PCSK2: variants seen among roughly 807,000 people sequenced by gnomAD.
PCSK2 encodes the protein proprotein convertase subtilisin/kexin type 2, also known as neuroendocrine convertase 2.
In PCSK2, 14 loss-of-function variants were observed where a neutral mutation model predicts 69.7. The observed-to-expected ratio is 0.20, with a 90% CI of 0.13 to 0.31. The LOEUF (loss-of-function observed/expected upper bound fraction) is 0.31, where lower values mean the gene tolerates loss of function less well. PCSK2 is among the 10% of genes least tolerant of loss of function. The pLI is 1.00. For missense variants in PCSK2, 544 were observed against 842.5 expected (o/e 0.65, Z 4.39); for synonymous variants, 307 against 320.7 (o/e 0.96, Z 0.46).
intron 2 of PCSK2, 124 bp downstream of exon 2, chr20:17,260,468 A>T (rs765783439): frequency 2.7e-5 from 18 of 673,126 alleles, no homozygotes; most frequent in Non-Finnish European, 8.0e-6. Flanking sequence ...GATAGGGCAA[A>T]TGAATGCTTT....
At chr20:17,433,677 G>A (rs1398320243) in intron 7 of PCSK2, among the ~76,000 whole-genome samples, 2 of 152,194 alleles carry the variant, frequency 1.3e-5, no homozygotes, top group African/African-American at 2.4e-5. Flanking sequence ...AGGCCTGCCT[G>A]GGGTCAGATA....
intron 2 of PCSK2, among the ~76,000 whole-genome samples, chr20:17,322,053 A>G (rs963477969): frequency 6.6e-6 from 1 of 152,104 alleles, no homozygotes; most frequent in Non-Finnish European, 1.5e-5. Flanking sequence ...CTAAATGCCA[A>G]GTACTATAAC....
At position 17,360,591 on chromosome 20, in the gene PCSK2, G is replaced by A; in HGVS notation, c.456G>A (p.Trp152Ter). ...PGLDLNVAEAWELGYTGKGVT... is the reference protein window; with the variant it reads ...PGLDLNVAEA Reference sequence around the variant, plus strand: ...TTGATTTGAATGTGGCTGAAGCCTGGGAGCTGGGATACACAGGGAAAGGTG... The same window carrying A: ...TTGATTTGAATGTGGCTGAAGCCTGAGAGCTGGGATACACAGGGAAAGGTG... Residue 152 changes from tryptophan (W) to a stop codon, truncating the protein, a stop_gained, in exon 4 of 12, where the codon TGG becomes TGA. Transcript: ENST00000262545. LOFTEE classifies it high-confidence loss of function. 1 of 1,612,984 alleles carries A rather than the reference G, an allele frequency of 6.2e-7. No individual in the cohort carries two copies.
At chr20:17,384,425 CAAAAAA>C (rs11478291) in intron 5 of PCSK2, among the ~76,000 whole-genome samples, 20 of 106,534 alleles carry the variant, frequency 1.9e-4, no homozygotes, top group Non-Finnish European at 2.5e-4. Flanking sequence ...CCATATCTAC[CAAAAAA>C]AAAAAAAAAA....
intron 6 of PCSK2, among the ~76,000 whole-genome samples, chr20:17,425,389 G>A (rs552286826): frequency 6.6e-6 from 1 of 152,042 alleles, no homozygotes; most frequent in Admixed American, 6.5e-5. Flanking sequence ...AGGGGAATTC[G>A]ACCACTAGAC....
Position 17,317,154 on chromosome 20 carries a change from A to C in PCSK2, c.283-41173A>C, listed in dbSNP as rs570253861. On this transcript the variant is annotated intron_variant, in intron 2 of 11. Coordinates refer to ENST00000262545, the MANE Select transcript of PCSK2 (RefSeq NM_002594.5). ...AGCTCTTAGTTAGGTAAATCAACTTAGCCTCTCTATATGCATTAATTCTCT... is the reference window on the plus strand; with the variant it reads ...AGCTCTTAGTTAGGTAAATCAACTTCGCCTCTCTATATGCATTAATTCTCT... 2.0e-5 allele frequency among the ~76,000 whole-genome samples: 3 copies of C among 152,250 alleles called. No homozygotes were observed. The East Asian group carries it at 5.8e-4, about 29-fold the overall frequency.
intron 2 of PCSK2, among the ~76,000 whole-genome samples, chr20:17,325,878 C>G (rs1235278746): frequency 6.6e-6 from 1 of 152,034 alleles, no homozygotes; most frequent in Non-Finnish European, 1.5e-5. Flanking sequence ...CTCAAGCCAC[C>G]AGTGGGCTAA....
chr20:17,364,253 C>T (rs2030509716), intron 4 of PCSK2, among the ~76,000 whole-genome samples: 1 of 152,120 alleles, frequency 6.6e-6, no homozygotes. Context: ...CACATAGTCA[C>T]CCACACCCTT....
chr20:17,465,225 G>T, intron 10 of PCSK2, 101 bp from the exon 11 acceptor site: 6 of 832,496 alleles, frequency 7.2e-6, no homozygotes, highest in Non-Finnish European at 1.0e-5. Flanking sequence ...CTTACAAGAG[G>T]TCTGTGTCCT....
intron 11 of PCSK2, among the ~76,000 whole-genome samples, chr20:17,475,078 G>A (rs890034687): frequency 6.6e-6 from 1 of 151,830 alleles, no homozygotes; most frequent in Non-Finnish European, 1.5e-5. Context: ...CTGTAGGAGA[G>A]TGAGGGATTT....
chr20:17,347,795 A>T (rs1479843793), intron 2 of PCSK2, among the ~76,000 whole-genome samples: 6 of 46,852 alleles, frequency 1.3e-4, no homozygotes, highest in Non-Finnish European at 2.4e-4. Flanking sequence ...GACGAAAGAA[A>T]GAAAGAAAGA....
intron 3 of PCSK2, among the ~76,000 whole-genome samples, 157 bp from the exon 4 acceptor site, chr20:17,360,375 T>G (rs1384325852): frequency 2.0e-5 from 3 of 151,862 alleles, no homozygotes; most frequent in Middle Eastern, 3.4e-3. Context: ...ATAGGTAGGT[T>G]GGGAGGGACA....
chr20:17,262,097 T>C (rs1255733182), intron 2 of PCSK2, among the ~76,000 whole-genome samples: 1 of 152,232 alleles, frequency 6.6e-6, no homozygotes, highest in Non-Finnish European at 1.5e-5. Flanking sequence ...ATTCTTGAAG[T>C]ATACAGTGAC....
intron 8 of PCSK2, among the ~76,000 whole-genome samples, chr20:17,450,497 C>T: frequency 6.6e-6 from 1 of 152,144 alleles, no homozygotes. Context: ...TGCACTTCTT[C>T]CTCTAACGGG....
At chr20:17,303,450 T>TGGTTA (rs1274453838) in intron 2 of PCSK2, among the ~76,000 whole-genome samples, 1 of 70,330 alleles carries the variant, frequency 1.4e-5, no homozygotes, top group African/African-American at 6.6e-5. Context: ...ATAATATATA[T>TGGTTA]TATATTAAAT....
chr20:17,379,841 A>G lies in PCSK2; in HGVS notation c.543+10564A>G, dbSNP rs1022540914. Among the ~76,000 whole-genome samples the G allele has an allele frequency of 2.2e-4, 34 of 152,356 alleles. 1 individual carries two copies. The highest frequency in any genetic ancestry group is 1.9e-3 in the Admixed American group (29 of 15,302). On this transcript the variant is annotated intron_variant, in intron 5 of 11. Coordinates refer to ENST00000262545, the MANE Select transcript of PCSK2 (RefSeq NM_002594.5). The stretch of plus-strand genomic sequence containing the variant: ...AGACTATCCTGGGTGGGCCTGAACT[A>G]ATCAGGTGAGCCCTTTAAAAGGTAA...
Position 17,232,999 on chromosome 20 carries a change from T to C in PCSK2, c.177+5517T>C, listed in dbSNP as rs572418212. Among the ~76,000 whole-genome samples the C allele has an allele frequency of 2.6e-5, 4 of 152,296 alleles. No homozygotes were observed. In the South Asian group the frequency reaches 8.3e-4, roughly 32 times the overall value. On this transcript the variant is annotated intron_variant, in intron 1 of 11. Transcript: ENST00000262545. Reference sequence around the variant, plus strand: ...ATCCAAGCTAATCCCTCAAGACCTGTCTGGTTGACCTAGACCACAGTGTTC... The same window carrying C: ...ATCCAAGCTAATCCCTCAAGACCTGCCTGGTTGACCTAGACCACAGTGTTC...
At chr20:17,475,879 C>T (rs1238065545) in intron 11 of PCSK2, among the ~76,000 whole-genome samples, 1 of 152,136 alleles carries the variant, frequency 6.6e-6, no homozygotes, top group Non-Finnish European at 1.5e-5. Flanking sequence ...TGAAACTTTT[C>T]AAGAAGCCCT....
intron 5 of PCSK2, among the ~76,000 whole-genome samples, chr20:17,388,979 C>T (rs922509413): frequency 2.0e-5 from 3 of 152,116 alleles, no homozygotes; most frequent in African/African-American, 7.2e-5. Flanking sequence ...TTATGATGAT[C>T]AACCAAGTCA....
Sources: allele counts gnomAD v4.1 joint callset (sites outside exome capture counted in the v4.1 genomes callset), GRCh38; gene constraint gnomAD v4.1.1; transcripts MANE v1.5; gene names NCBI Gene and HGNC (gene_info 2026-07-23, HGNC 2026-07-21).